The following RBFOX1 variants were observed in gnomAD, a reference collection of about 807,000 sequenced individuals.
RBFOX1 encodes the protein RNA binding fox-1 homolog 1.
Under a neutral mutation model 57.7 loss-of-function variants are expected in RBFOX1, and 8 were observed. The ratio of observed to expected loss-of-function variants is 0.14; its 90% CI spans 0.08 to 0.25. RBFOX1 has a LOEUF of 0.25. RBFOX1 is among the 10% of genes least tolerant of loss of function. The pLI, the probability that RBFOX1 is intolerant of heterozygous loss-of-function variation, is 1.00. For missense variants in RBFOX1, 611 were observed against 548.5 expected (o/e 1.11, Z -1.14); for synonymous variants, 326 against 222.4 (o/e 1.47, Z -4.15).
At position 5,306,936 on chromosome 16, in the gene RBFOX1, G is replaced by C. The variant is rs1193370208; in HGVS notation, c.219+66831G>C. 2.0e-5 allele frequency among the ~76,000 whole-genome samples: 3 copies of C among 152,198 alleles called. 1 individual carries two copies. In the South Asian group the frequency reaches 6.2e-4, roughly 32 times the overall value. The stretch of plus-strand genomic sequence containing the variant: ...ATCATGTCTAGAAGCAGCAGCCAGT[G>C]GGGGTGAGGCTTATTTCACCTTCCC... On this transcript the variant is annotated intron_variant, in intron 1 of 2. Transcript: ENST00000585867.
intron 2 of RBFOX1, among the ~76,000 whole-genome samples, chr16:6,497,976 C>T (rs1482822539): frequency 6.6e-6 from 1 of 152,084 alleles, no homozygotes; most frequent in African/African-American, 2.4e-5. Flanking sequence ...AGGCCAGGCA[C>T]AGTGGTTCAT....
At chr16:7,363,256 G>A (rs1336770652) in intron 4 of RBFOX1, among the ~76,000 whole-genome samples, 1 of 152,080 alleles carries the variant, frequency 6.6e-6, no homozygotes, top group African/African-American at 2.4e-5. Flanking sequence ...TACTGGGCGG[G>A]GGGAAAACCT....
At chr16:6,954,363 C>A (rs79057765) in intron 3 of RBFOX1, among the ~76,000 whole-genome samples, 1 of 152,060 alleles carries the variant, frequency 6.6e-6, no homozygotes, top group African/African-American at 2.4e-5. Context: ...AACGGTCTTC[C>A]ATCCATTAGT....
chr16:6,920,440 G>T (rs573865136), intron 3 of RBFOX1, among the ~76,000 whole-genome samples: 1 of 152,132 alleles, frequency 6.6e-6, no homozygotes, highest in African/African-American at 2.4e-5. Flanking sequence ...GCTTGTTTAA[G>T]TTGATACGAA....
chr16:7,439,063 CAG>C (rs1028232932), intron 4 of RBFOX1, among the ~76,000 whole-genome samples: 4 of 151,876 alleles, frequency 2.6e-5, no homozygotes, highest in Admixed American at 2.0e-4. Flanking sequence ...TGAGCCAACG[CAG>C]AGTCTCTCTG....
chr16:7,709,005 G>C (rs548275698), intron 14 of RBFOX1, 51 bp from the exon 15 acceptor site: 2 of 1,523,516 alleles, frequency 1.3e-6, no homozygotes, highest in Non-Finnish European at 9.1e-7. Flanking sequence ...GATTGTTATT[G>C]TTTTGTAATT....
chr16:5,694,677 C>G (rs997522665), intron 3 of RBFOX1, among the ~76,000 whole-genome samples: 1 of 151,960 alleles, frequency 6.6e-6, no homozygotes, highest in Non-Finnish European at 1.5e-5. Flanking sequence ...CAAATGATAC[C>G]TCTTAGGGAG....
intron 4 of RBFOX1, among the ~76,000 whole-genome samples, chr16:7,323,560 A>T (rs2096572847): frequency 1.3e-5 from 2 of 152,268 alleles, no homozygotes; most frequent in African/African-American, 4.8e-5. Flanking sequence ...GTAGCCTCTC[A>T]GTTCATGGGG....
chr16:5,563,834 C>T (rs1249375550), intron 2 of RBFOX1, among the ~76,000 whole-genome samples: 1 of 152,058 alleles, frequency 6.6e-6, no homozygotes, highest in African/African-American at 2.4e-5. Flanking sequence ...GCAGCCACAT[C>T]CCATTTCTTC....
chr16:7,052,660 A>G (rs2050511920), intron 4 of RBFOX1, among the ~76,000 whole-genome samples: 1 of 152,220 alleles, frequency 6.6e-6, no homozygotes. Flanking sequence ...GTGCTCAGGC[A>G]TATCGGTGTA....
chr16:7,340,037 C>A (rs1160393699), intron 4 of RBFOX1, among the ~76,000 whole-genome samples: 1 of 152,212 alleles, frequency 6.6e-6, no homozygotes, highest in Non-Finnish European at 1.5e-5. Context: ...TTCCAGATTG[C>A]AGTCTCATTG....
At chr16:6,641,294 A>C (rs1454901926) in intron 2 of RBFOX1, among the ~76,000 whole-genome samples, 1 of 152,184 alleles carries the variant, frequency 6.6e-6, no homozygotes, top group African/African-American at 2.4e-5. Flanking sequence ...CCTAGAGGAC[A>C]GCATTGTAAC....
At chr16:6,991,809 G>C in intron 3 of RBFOX1, among the ~76,000 whole-genome samples, 1 of 152,124 alleles carries the variant, frequency 6.6e-6, no homozygotes, top group Non-Finnish European at 1.5e-5. Context: ...AGTGCTGCTA[G>C]GATTACAGGT....
intron 1 of RBFOX1, among the ~76,000 whole-genome samples, chr16:6,094,699 C>G (rs1422284237): frequency 6.6e-6 from 1 of 152,160 alleles, no homozygotes; most frequent in African/African-American, 2.4e-5. Flanking sequence ...GACTCAGTTT[C>G]CTCATCTGCA....
chr16:7,638,630 G>GTTAT (rs71150318), intron 11 of RBFOX1, among the ~76,000 whole-genome samples: 4,586 of 152,286 alleles, frequency 0.03, 117 homozygotes, highest in Non-Finnish European at 0.048. Flanking sequence ...AAGGCTGGAT[G>GTTAT]TTATTAATAT....
At chr16:7,123,419 C>T (rs2067663233) in intron 4 of RBFOX1, among the ~76,000 whole-genome samples, 1 of 152,074 alleles carries the variant, frequency 6.6e-6, no homozygotes, top group Non-Finnish European at 1.5e-5. Context: ...GGCTGGAGTA[C>T]AGTGGTGCCA....
At chr16:7,256,296 C>G (rs1239856768) in intron 4 of RBFOX1, among the ~76,000 whole-genome samples, 1 of 152,272 alleles carries the variant, frequency 6.6e-6, no homozygotes, top group Non-Finnish European at 1.5e-5. Context: ...AGAGGTTAAG[C>G]CTCACCTCCA....
At chr16:7,510,152 C>G (rs1311859092) in intron 4 of RBFOX1, 16 of 985,648 alleles carry the variant, frequency 1.6e-5, no homozygotes, top group Middle Eastern at 5.2e-4. Context: ...GCCAGGCGGC[C>G]TCAGCCCCCC....
intron 10 of RBFOX1, among the ~76,000 whole-genome samples, chr16:7,611,439 C>T (rs2057443121): frequency 1.3e-5 from 2 of 152,088 alleles, no homozygotes; most frequent in Non-Finnish European, 2.9e-5. Flanking sequence ...TCTAGCTGGG[C>T]ATAGTGGTGT....
Sources: allele counts gnomAD v4.1 joint callset (sites outside exome capture counted in the v4.1 genomes callset), GRCh38; gene constraint gnomAD v4.1.1; transcripts MANE v1.5; gene names NCBI Gene and HGNC (gene_info 2026-07-23, HGNC 2026-07-21).